Variants in ZNF880 observed in about 807,000 individuals in gnomAD.
The protein encoded by ZNF880 is zinc finger protein LOC400713.
Under a neutral mutation model 11.8 loss-of-function variants are expected in ZNF880, and 12 were observed. The ratio of observed to expected loss-of-function variants is 1.02; its 90% CI spans 0.65 to 1.65. The LOEUF (loss-of-function observed/expected upper bound fraction) is 1.65, where lower values mean the gene tolerates loss of function less well. Among genes scored for constraint, ZNF880 ranks in the 40% most tolerant of loss-of-function variants. The pLI is 0.00. For missense variants in ZNF880, 601 were observed against 673.9 expected, an observed-to-expected ratio of 0.89 and a Z score of 1.20; for synonymous variants, 210 against 232.4, an observed-to-expected ratio of 0.90 and a Z score of 0.88.
At chr19:52,373,469 CT>C (rs1448496174) in intron 2 of ZNF880, among the ~76,000 whole-genome samples, 2 of 152,078 alleles carry the variant, frequency 1.3e-5, no homozygotes, top group African/African-American at 4.8e-5. Flanking sequence ...ATTCTGGCCC[CT>C]TTGAGATTCA....
chr19:52,368,897 A>C (rs1192112826), upstream of ZNF880, among the ~76,000 whole-genome samples: 1 of 140,424 alleles, frequency 7.1e-6, no homozygotes, highest in Non-Finnish European at 1.5e-5. Context: ...TGGGAGGATC[A>C]CTTGATGCCA....
At chr19:52,379,275 C>G in intron 3 of ZNF880, 1 of 338,468 alleles carries the variant, frequency 3.0e-6, no homozygotes, top group Non-Finnish European at 5.8e-6. Context: ...TATATACACT[C>G]CAGGAGTTTT....
At chr19:52,396,785 T>TA in the ZNF880 span, 5 of 151,868 alleles carry the variant, frequency 3.3e-5, no homozygotes, top group African/African-American at 1.2e-4. Flanking sequence ...CAGTAGAAAA[T>TA]TAGCACAGTG....
intron 3 of ZNF880, among the ~76,000 whole-genome samples, chr19:52,378,779 A>G (rs1277445855): frequency 6.6e-6 from 1 of 151,926 alleles, no homozygotes; most frequent in Non-Finnish European, 1.5e-5. Context: ...CTTTCCATGT[A>G]TTAGAAATGA....
the ZNF880 span, among the ~76,000 whole-genome samples, chr19:52,393,399 T>TTTTC: frequency 7.2e-6 from 1 of 138,918 alleles, no homozygotes; most frequent in African/African-American, 2.8e-5. Context: ...TGAATGGAAA[T>TTTTC]TTTCTTTCTT....
chr19:52,374,333 GT>G lies in ZNF880; in HGVS notation c.176del (p.Leu59TrpfsTer14), dbSNP rs759106707. ...TTCCTGACCTGAGTGTTATCTCCAT[GT>G]TGGAGCAAAGGAGAGATCCCCGGAA... ...CLPDLSVISM[L>X]EQRRDPRNLQ... On this transcript the variant is annotated frameshift_variant, in exon 3 of 4. Transcript: ENST00000422689. LOFTEE classifies it high-confidence loss of function. 1.1e-5 allele frequency: 18 copies of G among 1,613,352 alleles called. No individual in the cohort carries two copies. The highest frequency in any genetic ancestry group is 1.4e-5 in the Non-Finnish European group (17 of 1,179,878).
Position 52,385,357 on chromosome 19 carries a change from C to T in ZNF880, c.*43C>T, listed in dbSNP as rs1986854277. 1.3e-6 allele frequency: 2 copies of T among 1,532,510 alleles called. No individual in the cohort carries two copies. The highest frequency in any genetic ancestry group is 1.8e-6 in the Non-Finnish European group (2 of 1,133,594). The allele number at this position is 1,532,510 out of a possible 1,614,324, so 94.9% of individuals were successfully genotyped here. ...CTTTAGTAATAATTCACACCTTGCA[C>T]AGCATGAGATAATTCATTCATGAGA... On this transcript the variant is annotated 3_prime_UTR_variant, in exon 4 of 4. Coordinates refer to ENST00000422689, the MANE Select transcript of ZNF880 (RefSeq NM_001145434.2).
At chr19:52,371,354 T>C (rs534802337) in intron 1 of ZNF880, among the ~76,000 whole-genome samples, 164 of 152,164 alleles carry the variant, frequency 1.1e-3, no homozygotes, top group Middle Eastern at 0.01. Context: ...TTGATGTTTT[T>C]TTTTTTCTTT....
At chr19:52,380,656 G>A (rs917913222) in intron 3 of ZNF880, among the ~76,000 whole-genome samples, 3 of 152,012 alleles carry the variant, frequency 2.0e-5, no homozygotes, top group South Asian at 2.1e-4. Context: ...CTTGTAGTGC[G>A]TTTTATGTAT....
chr19:52,370,201 A>C (rs539162937), intron 1 of ZNF880: 1 of 603,336 alleles, frequency 1.7e-6, no homozygotes, highest in African/African-American at 1.9e-5. Context: ...CCATGTAGAC[A>C]GCTCCTGTCG....
At chr19:52,373,072 G>A (rs1157199217) in intron 1 of ZNF880, 39 bp from the exon 2 acceptor site, 1 of 1,608,210 alleles carries the variant, frequency 6.2e-7, no homozygotes, top group Non-Finnish European at 8.5e-7. Context: ...TCCTCATTTT[G>A]TGTGATATCC....
intron 3 of ZNF880, among the ~76,000 whole-genome samples, chr19:52,378,212 C>G (rs537145460): frequency 1.3e-5 from 2 of 152,220 alleles, no homozygotes; most frequent in African/African-American, 4.8e-5. Flanking sequence ...ACGAAGAGAC[C>G]AATGTATGCA....
chr19:52,382,287 C>T (rs1029716722), intron 3 of ZNF880, among the ~76,000 whole-genome samples: 7 of 151,854 alleles, frequency 4.6e-5, no homozygotes, highest in Non-Finnish European at 1.0e-4. Context: ...AAAAAACAAA[C>T]AAAAACCATT....
Position 52,369,935 on chromosome 19 carries a change from A to C in ZNF880, c.-31A>C, listed in dbSNP as rs1466286797. ...CAGCTGCGCGCGCAGTTTCCTGGAG[A>C]CCCGGAAGCAGATTACGTGGAGTGA... On this transcript the variant is annotated 5_prime_UTR_variant, in exon 1 of 4. Transcript: ENST00000422689. 4.5e-6 allele frequency: 7 copies of C among 1,551,276 alleles called. No individual in the cohort carries two copies. Among genetic ancestry groups the C allele is most frequent in the East Asian group, 4.9e-5 (2 of 40,892 alleles).
At chr19:52,396,458 A>T in the ZNF880 span, 10 of 152,254 alleles carry the variant, frequency 6.6e-5, no homozygotes, top group Non-Finnish European at 1.2e-4. Context: ...CAGGATAACC[A>T]GGCCTGCCTG....
rs1156621512 is a variant in ZNF880 at position 52,385,054 on chromosome 19, T to C, written c.1474T>C (p.Tyr492His). Residue 492 changes from tyrosine to histidine, a missense_variant, in exon 4 of 4, where the codon TAC becomes CAC. Transcript: ENST00000422689. ...CAGAATCCATACTGGAGAGAAACCT[T>C]ACAAATGCAGTGAATGTCACAAAGT... ...HHRIHTGEKP[Y>H]KCSECHKVFS... 1.9e-6 allele frequency: 3 copies of C among 1,568,428 alleles called. No homozygotes were observed. Among genetic ancestry groups the C allele is most frequent in the Non-Finnish European group, 2.6e-6 (3 of 1,156,310 alleles).
At position 52,385,058 on chromosome 19, in the gene ZNF880, A is replaced by T; in HGVS notation, c.1478A>T (p.Lys493Ile). ...ATCCATACTGGAGAGAAACCTTACA[A>T]ATGCAGTGAATGTCACAAAGTCTTT... ...HRIHTGEKPY[K>I]CSECHKVFSH... The change falls in exon 4 of 4, where the codon AAA (lysine) becomes ATA (isoleucine). Residue 493 changes from lysine to isoleucine, a missense_variant. Lys to Ile is a moderately radical substitution (Grantham distance 102). Coordinates refer to ENST00000422689, the MANE Select transcript of ZNF880 (RefSeq NM_001145434.2). 1 of 1,563,434 alleles carries T rather than the reference A, an allele frequency of 6.4e-7. No homozygotes were observed. Among genetic ancestry groups the T allele is most frequent in the Non-Finnish European group, 8.7e-7 (1 of 1,154,464 alleles).
chr19:52,385,463 G>T lies in ZNF880; in HGVS notation c.*149G>T. 3 of 936,566 alleles carry T rather than the reference G, an allele frequency of 3.2e-6. No homozygotes were observed. Among genetic ancestry groups the T allele is most frequent in the Non-Finnish European group, 4.7e-6 (3 of 641,274 alleles). The allele number at this position is 936,566 out of a possible 1,614,324, so 58.0% of individuals were successfully genotyped here. A position where few individuals can be genotyped will look rare whatever the true frequency, so the allele number is the denominator to read the frequency against. ...AACATCAGAGATTCCATACTAAAGA[G>T]AAATCATAGCAATGTATGTGAATCA... On this transcript the variant is annotated 3_prime_UTR_variant, in exon 4 of 4. Coordinates refer to ENST00000422689, the MANE Select transcript of ZNF880 (RefSeq NM_001145434.2).
At chr19:52,394,370 G>A in the ZNF880 span, among the ~76,000 whole-genome samples, 522 of 151,894 alleles carry the variant, frequency 3.4e-3, 1 homozygote, top group African/African-American at 0.012. Flanking sequence ...CCAGTAGCTG[G>A]CACTGCAGGC....
Sources: gnomAD v4.1 joint callset for allele counts (sites outside exome capture counted in the v4.1 genomes callset) on GRCh38, gnomAD v4.1.1 for gene constraint, MANE v1.5 for transcripts, NCBI Gene and HGNC (gene_info 2026-07-23, HGNC 2026-07-21) for gene names.